Variants in EPHA6 observed in about 807,000 individuals in gnomAD.
EPHA6 encodes the protein EPH receptor A6, also known as ephrin type-A receptor 6.
In EPHA6, 50 loss-of-function variants were observed where a neutral mutation model predicts 112.0. That is an observed-to-expected ratio of 0.45 (90% CI 0.36 to 0.56). The LOEUF is 0.56. Ranked by LOEUF, EPHA6 falls within the 20% of genes least tolerant of loss-of-function variation. The probability of loss-of-function intolerance (pLI) is 0.00; values close to 1 mark genes in which losing one functional copy is unlikely to be tolerated. For synonymous variants in EPHA6, 529 were observed against 490.7 expected (o/e 1.08, Z -1.03); for missense variants, 1,280 against 1,417.4 (o/e 0.90, Z 1.56).
At chr3:96,854,093 A>G (rs1042617773) in intron 1 of EPHA6, among the ~76,000 whole-genome samples, 1 of 151,276 alleles carries the variant, frequency 6.6e-6, no homozygotes, top group African/African-American at 2.4e-5. Flanking sequence ...GTGATATTTT[A>G]TATATTTTCC....
chr3:97,013,030 C>T lies in EPHA6; in HGVS notation c.1114+25037C>T, dbSNP rs572480110. ...CAGATGCATAGTTTGCAAATATACTCTCCCATTCTGTAGGTTGTCTGTTTA... is the reference window on the plus strand; with the variant it reads ...CAGATGCATAGTTTGCAAATATACTTTCCCATTCTGTAGGTTGTCTGTTTA... On this transcript the variant is annotated intron_variant, in intron 3 of 17. Coordinates refer to ENST00000389672, the MANE Select transcript of EPHA6 (RefSeq NM_001080448.3). 4.6e-5 allele frequency among the ~76,000 whole-genome samples: 7 copies of T among 152,216 alleles called. No homozygotes were observed. The South Asian group carries it at 1.4e-3, about 32-fold the overall frequency.
At chr3:97,217,027 C>T (rs77056232) in intron 3 of EPHA6, among the ~76,000 whole-genome samples, 8,824 of 152,072 alleles carry the variant, frequency 0.058, 642 homozygotes, top group Admixed American at 0.2. Context: ...CATCAGATAA[C>T]CAAGAGATAG....
intron 5 of EPHA6, among the ~76,000 whole-genome samples, chr3:97,384,907 G>A (rs1254630490): frequency 6.6e-6 from 1 of 152,146 alleles, no homozygotes; most frequent in African/African-American, 2.4e-5. Context: ...TATGAGCAGT[G>A]ATATGCTGAT....
At chr3:97,125,731 A>G (rs2048165460) in intron 3 of EPHA6, among the ~76,000 whole-genome samples, 1 of 152,226 alleles carries the variant, frequency 6.6e-6, no homozygotes, top group Non-Finnish European at 1.5e-5. Context: ...TTTTCAGACA[A>G]TAGTACTCAA....
intron 10 of EPHA6, among the ~76,000 whole-genome samples, chr3:97,507,773 C>T (rs558233230): frequency 6.6e-6 from 1 of 151,608 alleles, no homozygotes; most frequent in East Asian, 1.9e-4. Flanking sequence ...TAGAATTTGG[C>T]TGTGAATCTG....
chr3:96,898,897 G>A (rs1047159523), intron 2 of EPHA6, among the ~76,000 whole-genome samples: 20 of 151,732 alleles, frequency 1.3e-4, no homozygotes, highest in Admixed American at 5.9e-4. Flanking sequence ...GCATGGTGGC[G>A]CGCGCCTGTA....
chr3:97,396,571 A>G (rs1019550475), intron 5 of EPHA6, among the ~76,000 whole-genome samples: 14 of 151,646 alleles, frequency 9.2e-5, no homozygotes, highest in Non-Finnish European at 5.9e-5. Context: ...TGAACTCATT[A>G]CACTAAATTG....
intron 5 of EPHA6, among the ~76,000 whole-genome samples, chr3:97,346,383 A>G (rs1466538561): frequency 1.3e-5 from 2 of 152,174 alleles, no homozygotes; most frequent in African/African-American, 4.8e-5. Flanking sequence ...ACTGTTAAAA[A>G]GAAACAGATA....
chr3:96,903,184 G>A (rs2038713626), intron 2 of EPHA6, among the ~76,000 whole-genome samples: 1 of 152,094 alleles, frequency 6.6e-6, no homozygotes, highest in African/African-American at 2.4e-5. Flanking sequence ...GTGTTCTTGG[G>A]AGAGGTGTAA....
chr3:97,733,701 C>G (rs1012839879), intron 15 of EPHA6, among the ~76,000 whole-genome samples: 2 of 151,950 alleles, frequency 1.3e-5, no homozygotes, highest in African/African-American at 4.8e-5. Context: ...CATACATGCA[C>G]AAGACTCAGA....
intron 5 of EPHA6, among the ~76,000 whole-genome samples, chr3:97,268,816 G>C (rs2079783469): frequency 6.6e-6 from 1 of 151,976 alleles, no homozygotes; most frequent in Non-Finnish European, 1.5e-5. Flanking sequence ...ATTAATGTAA[G>C]GATACTAATC....
intron 10 of EPHA6, among the ~76,000 whole-genome samples, chr3:97,488,573 G>C (rs1165092370): frequency 6.6e-6 from 1 of 151,956 alleles, no homozygotes; most frequent in Non-Finnish European, 1.5e-5. Context: ...CTGTATTTTT[G>C]TTTGTCTTTT....
chr3:96,900,537 G>A (rs1008281502), intron 2 of EPHA6, among the ~76,000 whole-genome samples: 2 of 152,196 alleles, frequency 1.3e-5, no homozygotes, highest in East Asian at 3.8e-4. Flanking sequence ...CCCATGGATA[G>A]GGAGGGCCAA....
chr3:97,610,958 C>T (rs2093714932), intron 13 of EPHA6, 104 bp downstream of exon 13: 2 of 956,626 alleles, frequency 2.1e-6, no homozygotes, highest in South Asian at 3.1e-5. Flanking sequence ...CATGGATTTT[C>T]TGTGAAGAAT....
At chr3:97,073,690 T>C (rs1044311573) in intron 3 of EPHA6, among the ~76,000 whole-genome samples, 1 of 152,130 alleles carries the variant, frequency 6.6e-6, no homozygotes, top group Admixed American at 6.6e-5. Context: ...TCGTAAAGCA[T>C]ATGATATAAA....
At chr3:97,493,714 G>T (rs1346627478) in intron 10 of EPHA6, among the ~76,000 whole-genome samples, 1 of 152,072 alleles carries the variant, frequency 6.6e-6, no homozygotes, top group African/African-American at 2.4e-5. Flanking sequence ...GTCTTCATGA[G>T]TAAATTTTGA....
At chr3:96,829,945 GCGCGCACACAC>G (rs963920838) in intron 1 of EPHA6, among the ~76,000 whole-genome samples, 14 of 86,968 alleles carry the variant, frequency 1.6e-4, no homozygotes, top group African/African-American at 5.4e-4. Flanking sequence ...ATGTGCGCGC[GCGCGCACACAC>G]ACACACACAC....
At chr3:97,087,893 A>AT (rs1373670227) in intron 3 of EPHA6, among the ~76,000 whole-genome samples, 1 of 151,996 alleles carries the variant, frequency 6.6e-6, no homozygotes, top group Non-Finnish European at 1.5e-5. Context: ...TCCCATTAAA[A>AT]TTTTTTTCGG....
chr3:97,247,393 T>G (rs1215208315), intron 5 of EPHA6, among the ~76,000 whole-genome samples: 1 of 151,958 alleles, frequency 6.6e-6, no homozygotes, highest in Admixed American at 6.6e-5. Context: ...TTCACAAATA[T>G]GTAGTTAGTA....
Sources: gnomAD v4.1 joint callset for allele counts (sites outside exome capture counted in the v4.1 genomes callset) on GRCh38, gnomAD v4.1.1 for gene constraint, MANE v1.5 for transcripts, NCBI Gene and HGNC (gene_info 2026-07-23, HGNC 2026-07-21) for gene names.